Variants in DCDC1 observed in about 807,000 individuals in gnomAD.
DCDC1 encodes the protein doublecortin domain containing 1, also known as doublecortin domain-containing protein 1.
In DCDC1, 200 loss-of-function variants were observed where a neutral mutation model predicts 178.3. That is an observed-to-expected ratio of 1.12 (90% CI 1.00 to 1.26). The LOEUF (loss-of-function observed/expected upper bound fraction) is 1.26, where lower values mean the gene tolerates loss of function less well. DCDC1 is among the 50% of genes most tolerant of loss of function. The pLI, the probability that DCDC1 is intolerant of heterozygous loss-of-function variation, is 0.00. For missense variants in DCDC1, 1,983 were observed against 1,749.2 expected (o/e 1.13, Z -2.38); for synonymous variants, 690 against 604.8 (o/e 1.14, Z -2.07).
intron 20 of DCDC1, among the ~76,000 whole-genome samples, chr11:30,961,772 AATAT>A (rs1456369175): frequency 2.0e-5 from 3 of 152,062 alleles, no homozygotes; most frequent in Non-Finnish European, 2.9e-5. Flanking sequence ...AAGAAAAATA[AATAT>A]ATAGATTGTA....
chr11:30,967,906 G>C (rs764943646), intron 20 of DCDC1, among the ~76,000 whole-genome samples: 23 of 152,042 alleles, frequency 1.5e-4, no homozygotes, highest in Admixed American at 3.3e-4. Flanking sequence ...AGAGCAGTTA[G>C]GTAGAGAAAA....
chr11:31,059,191 C>T (rs1004714121), intron 20 of DCDC1, among the ~76,000 whole-genome samples: 3 of 152,064 alleles, frequency 2.0e-5, no homozygotes, highest in South Asian at 2.1e-4. Flanking sequence ...CATTTATAGA[C>T]ATAAGCCTAA....
At position 31,241,617 on chromosome 11, in the gene DCDC1, C is replaced by T. The variant is rs1977143816; in HGVS notation, c.1055-1G>A. The T allele has an allele frequency of 2.5e-6, 1 of 396,904 alleles. No homozygotes were observed. Among genetic ancestry groups the T allele is most frequent in the South Asian group, 1.3e-4 (1 of 7,840 alleles). 24.6% of individuals were successfully genotyped at this position (396,904 alleles called of 1,614,324 possible). A position where few individuals can be genotyped will look rare whatever the true frequency, so the allele number is the denominator to read the frequency against. On this transcript the variant is annotated splice_acceptor_variant, in intron 8 of 38. Transcript: ENST00000684477. LOFTEE classifies it high-confidence loss of function. The stretch of plus-strand genomic sequence containing the variant: ...TGCAGGCATTTTTCAAGCAGAGGAA[C>T]TATGCAAGAAAAGAAGGGAAAAAAA...
In DCDC1 at chr11:31,307,812, T is replaced by C. The variant is rs1363290948; in HGVS notation, c.261A>G (p.Ala87=). ...CTTGAAGTCCTGACCCTTCTGATACTGCTGCTGAATGCACGAGTCTGTTGG... is the reference window on the plus strand; with the variant it reads ...CTTGAAGTCCTGACCCTTCTGATACCGCTGCTGAATGCACGAGTCTGTTGG... ...FGPNRLVHSA[A]VSEGSGLQDC... is the part of the protein sequence containing the mutation. The change falls in exon 4 of 39, where the codon GCA becomes GCG. Residue 87 remains alanine (A), a synonymous_variant. Transcript: ENST00000684477. 1.9e-6 allele frequency: 3 copies of C among 1,614,174 alleles called. No homozygotes were observed. The highest frequency in any genetic ancestry group is 2.2e-5 in the East Asian group (1 of 44,884).
chr11:30,929,243 A>G (rs981589189), intron 22 of DCDC1, among the ~76,000 whole-genome samples: 5 of 152,076 alleles, frequency 3.3e-5, no homozygotes, highest in Admixed American at 2.6e-4. Flanking sequence ...TATGATCATA[A>G]CATAGCAGAT....
intron 20 of DCDC1, among the ~76,000 whole-genome samples, chr11:31,032,925 A>T (rs990277168): frequency 6.6e-6 from 1 of 152,134 alleles, no homozygotes; most frequent in African/African-American, 2.4e-5. Flanking sequence ...GATCTATTTT[A>T]AAAGATAGCG....
intron 20 of DCDC1, among the ~76,000 whole-genome samples, chr11:30,954,374 T>A (rs958095732): frequency 6.6e-6 from 1 of 152,078 alleles, no homozygotes; most frequent in African/African-American, 2.4e-5. Context: ...AGATTTGAAA[T>A]AGAAAATACT....
At chr11:30,896,524 C>G (rs1449903274) in intron 34 of DCDC1, among the ~76,000 whole-genome samples, 2 of 152,192 alleles carry the variant, frequency 1.3e-5, no homozygotes, top group African/African-American at 4.8e-5. Flanking sequence ...CACCCTTATT[C>G]AGAATCACCT....
At chr11:31,132,616 C>G (rs565736101) in intron 10 of DCDC1, among the ~76,000 whole-genome samples, 1 of 152,006 alleles carries the variant, frequency 6.6e-6, no homozygotes, top group South Asian at 2.1e-4. Context: ...GTTCATAATT[C>G]AATCTATGTG....
At chr11:31,322,746 A>G (rs1361512124) in intron 3 of DCDC1, among the ~76,000 whole-genome samples, 1 of 152,166 alleles carries the variant, frequency 6.6e-6, no homozygotes, top group Non-Finnish European at 1.5e-5. Context: ...CTTTTTGATA[A>G]CACTGCTGAA....
chr11:31,056,568 G>A (rs1176409199), intron 20 of DCDC1, among the ~76,000 whole-genome samples: 2 of 152,080 alleles, frequency 1.3e-5, no homozygotes, highest in African/African-American at 4.8e-5. Flanking sequence ...CTTTAAAAAG[G>A]GAGAGAGTAT....
intron 9 of DCDC1, among the ~76,000 whole-genome samples, chr11:31,194,898 T>C (rs1180115705): frequency 6.6e-6 from 1 of 152,110 alleles, no homozygotes; most frequent in Non-Finnish European, 1.5e-5. Flanking sequence ...GAGTATCATG[T>C]GTTCCCTAAT....
At chr11:31,263,011 C>G in intron 8 of DCDC1, 2 of 1,605,416 alleles carry the variant, frequency 1.2e-6, no homozygotes, top group Non-Finnish European at 1.7e-6. Context: ...ACGTGAAGCA[C>G]GAGTCATGAA....
At chr11:31,208,444 A>G (rs924076492) in intron 9 of DCDC1, among the ~76,000 whole-genome samples, 7 of 152,118 alleles carry the variant, frequency 4.6e-5, no homozygotes, top group African/African-American at 1.7e-4. Flanking sequence ...AGTTCATGCA[A>G]ATCAACTTCT....
At chr11:31,358,151 C>T (rs1419575068) in intron 1 of DCDC1, among the ~76,000 whole-genome samples, 2 of 151,012 alleles carry the variant, frequency 1.3e-5, no homozygotes, top group African/African-American at 4.9e-5. Flanking sequence ...GCCAAAAGAA[C>T]AAAGCTGGAG....
chr11:31,196,901 A>C (rs1051358158), intron 9 of DCDC1, among the ~76,000 whole-genome samples: 3 of 152,042 alleles, frequency 2.0e-5, no homozygotes, highest in African/African-American at 7.2e-5. Flanking sequence ...CCCAGCCACA[A>C]ATCATCTCAT....
chr11:31,034,078 A>G (rs1953852330), intron 20 of DCDC1, among the ~76,000 whole-genome samples: 1 of 144,572 alleles, frequency 6.9e-6, no homozygotes, highest in South Asian at 2.3e-4. Context: ...CAGGAGGCGG[A>G]GGTTGCAGTG....
chr11:31,209,874 T>C (rs185269946), intron 9 of DCDC1, among the ~76,000 whole-genome samples: 94 of 151,980 alleles, frequency 6.2e-4, no homozygotes, highest in African/African-American at 2.0e-3. Context: ...TAGAGAGAGA[T>C]AAAGGAAAGT....
chr11:31,009,043 A>G (rs1952015849), intron 20 of DCDC1, among the ~76,000 whole-genome samples: 1 of 152,188 alleles, frequency 6.6e-6, no homozygotes, highest in Non-Finnish European at 1.5e-5. Flanking sequence ...AAAGACCACT[A>G]CTGCAATAGT....
Sources: gnomAD v4.1 joint callset for allele counts (sites outside exome capture counted in the v4.1 genomes callset) on GRCh38, gnomAD v4.1.1 for gene constraint, MANE v1.5 for transcripts, NCBI Gene and HGNC (gene_info 2026-07-23, HGNC 2026-07-21) for gene names.